The following IL1RAPL2 variants were observed in gnomAD, a reference collection of about 807,000 sequenced individuals.
The protein encoded by IL1RAPL2 is X-linked interleukin-1 receptor accessory protein-like 2.
In IL1RAPL2, 3 loss-of-function variants were observed where a neutral mutation model predicts 44.1. That is an observed-to-expected ratio of 0.07 (90% confidence interval 0.03 to 0.18). The LOEUF (loss-of-function observed/expected upper bound fraction) is 0.18. Among genes scored for constraint, IL1RAPL2 ranks in the 10% least tolerant of loss-of-function variants. The pLI is 1.00. For synonymous variants in IL1RAPL2, 181 were observed against 178.8 expected, an observed-to-expected ratio of 1.01 and a Z score of -0.10; for missense variants, 391 against 496.4, an observed-to-expected ratio of 0.79 and a Z score of 2.02.
intron 6 of IL1RAPL2, among the ~76,000 whole-genome samples, chrX:105,682,414 G>A (rs776963389): frequency 1.9e-4 from 21 of 111,517 alleles, no homozygotes; most frequent in Non-Finnish European, 3.4e-4. Context: ...TTGAAATCTA[G>A]TGGCCTAGAA....
At chrX:105,487,118 C>T (rs1388772098) in intron 6 of IL1RAPL2, among the ~76,000 whole-genome samples, 2 of 105,311 alleles carry the variant, frequency 1.9e-5, no homozygotes, top group Non-Finnish European at 3.9e-5. Context: ...AAAAATAGTA[C>T]TTGATAAGAT....
At chrX:105,752,868 C>A in intron 9 of IL1RAPL2, 1 of 314,961 alleles carries the variant, frequency 3.2e-6, no homozygotes, top group South Asian at 2.8e-5. Flanking sequence ...TGAGAGCTGT[C>A]TTCCTGCTCT....
At chrX:105,487,463 G>T (rs1209296309) in intron 6 of IL1RAPL2, among the ~76,000 whole-genome samples, 1 of 111,868 alleles carries the variant, frequency 8.9e-6, no homozygotes, top group Admixed American at 9.5e-5. Context: ...AACTTTTCGG[G>T]TTTTAGTTTG....
intron 2 of IL1RAPL2, among the ~76,000 whole-genome samples, chrX:104,900,285 TTTTG>T (rs1408044426): frequency 3.6e-5 from 4 of 111,916 alleles, no homozygotes; most frequent in African/African-American, 1.3e-4. Context: ...AAACATATTG[TTTTG>T]TTTATCACAT....
intron 2 of IL1RAPL2, among the ~76,000 whole-genome samples, chrX:104,725,158 G>T (rs1444149671): frequency 1.8e-5 from 2 of 111,368 alleles, no homozygotes; most frequent in East Asian, 5.7e-4. Flanking sequence ...TCTTGTGTTA[G>T]CTTGCTGGGA....
At chrX:104,903,142 A>G (rs1264967034) in intron 2 of IL1RAPL2, among the ~76,000 whole-genome samples, 5 of 111,929 alleles carry the variant, frequency 4.5e-5, no homozygotes, top group Admixed American at 9.5e-5. Flanking sequence ...TCCACTATGG[A>G]TTTGCTACTA....
At chrX:105,666,491 C>T (rs968392971) in intron 6 of IL1RAPL2, among the ~76,000 whole-genome samples, 4 of 111,797 alleles carry the variant, frequency 3.6e-5, no homozygotes, top group African/African-American at 1.3e-4. Context: ...GTACAGTATA[C>T]AGAGAAAGGA....
At chrX:104,647,197 C>T (rs1313935647) in intron 1 of IL1RAPL2, 5 of 328,471 alleles carry the variant, frequency 1.5e-5, no homozygotes, top group Middle Eastern at 6.5e-4. Flanking sequence ...GCAGGGTGGG[C>T]CCCCACTGGG....
chrX:104,891,127 C>G (rs1923423970), intron 2 of IL1RAPL2, among the ~76,000 whole-genome samples: 1 of 111,265 alleles, frequency 9.0e-6, no homozygotes, highest in Non-Finnish European at 1.9e-5. Flanking sequence ...GGTATTATTT[C>G]TGAGGGCTCT....
In IL1RAPL2 at chrX:105,557,553, A is replaced by G. The variant is rs1483604342; in HGVS notation, c.772+73166A>G. On this transcript the variant is annotated intron_variant, in intron 6 of 10. Transcript: ENST00000372582. The stretch of plus-strand genomic sequence containing the variant: ...GAGTACCATTTAATTTGGGCAACAA[A>G]TTATACTGTTCCTTTTCAGTCTTCA... Among the ~76,000 whole-genome samples the G allele has an allele frequency of 4.5e-5, 5 of 111,662 alleles. 1 individual carries two copies. The highest frequency in any genetic ancestry group is 1.6e-4 in the African/African-American group (5 of 30,775).
At chrX:105,343,788 A>G (rs1440173094) in intron 5 of IL1RAPL2, among the ~76,000 whole-genome samples, 2 of 112,388 alleles carry the variant, frequency 1.8e-5, no homozygotes, top group Admixed American at 9.4e-5. Context: ...TTAAAATTTA[A>G]CAGTGATTAT....
intron 4 of IL1RAPL2, among the ~76,000 whole-genome samples, chrX:105,238,393 T>C (rs1213826557): frequency 2.7e-5 from 3 of 112,101 alleles, no homozygotes; most frequent in East Asian, 2.8e-4. Flanking sequence ...ACTTTAGTCA[T>C]TGATGTCACT....
At chrX:104,739,951 G>A (rs1932075543) in intron 2 of IL1RAPL2, among the ~76,000 whole-genome samples, 1 of 111,335 alleles carries the variant, frequency 9.0e-6, no homozygotes, top group African/African-American at 3.3e-5. Context: ...ATGACTAATG[G>A]TGAAACACTG....
rs181798915 is a variant in IL1RAPL2, at chrX:105,688,157, G to A, written c.773-29210G>A. Among the ~76,000 whole-genome samples, 646 of 111,390 alleles carry A rather than the reference G, an allele frequency of 5.8e-3. 4 individuals are homozygous for A. Among genetic ancestry groups the A allele is most frequent in the Non-Finnish European group, 1.0e-2 (529 of 53,099 alleles). ...ACTAGAAGCATTCCCTTTGAAAACC[G>A]GCACAAGACAAGGATGCCCTCTCTC... On this transcript the variant is annotated intron_variant, in intron 6 of 10. Transcript: ENST00000372582.
chrX:105,751,045 A>C (rs759977078), intron 9 of IL1RAPL2, among the ~76,000 whole-genome samples: 1 of 111,564 alleles, frequency 9.0e-6, no homozygotes, highest in Admixed American at 9.5e-5. Context: ...AAGCAGGAGG[A>C]TTGTTTGAGC....
chrX:105,152,716 A>G (rs2033237671), intron 2 of IL1RAPL2, among the ~76,000 whole-genome samples: 1 of 112,356 alleles, frequency 8.9e-6, no homozygotes, highest in Non-Finnish European at 1.9e-5. Context: ...TGATTAGGCC[A>G]TGACAGCCCT....
At chrX:105,201,008 T>A (rs889726068) in intron 3 of IL1RAPL2, among the ~76,000 whole-genome samples, 2 of 111,053 alleles carry the variant, frequency 1.8e-5, no homozygotes, top group African/African-American at 3.3e-5. Flanking sequence ...GTGCAGAGAA[T>A]CAGTTAGAGG....
At chrX:105,248,916 C>T (rs1603031726) in intron 4 of IL1RAPL2, among the ~76,000 whole-genome samples, 1 of 110,867 alleles carries the variant, frequency 9.0e-6, no homozygotes, top group Admixed American at 9.6e-5. Context: ...TACTACAACC[C>T]CTATGGAGAA....
intron 2 of IL1RAPL2, among the ~76,000 whole-genome samples, chrX:105,141,381 T>C (rs1034171070): frequency 1.5e-4 from 17 of 110,660 alleles, no homozygotes; most frequent in African/African-American, 5.6e-4. Flanking sequence ...TAGCTTACAA[T>C]GCTGGGGTTG....
Sources: gnomAD v4.1 joint callset for allele counts (sites outside exome capture counted in the v4.1 genomes callset) on GRCh38, gnomAD v4.1.1 for gene constraint, MANE v1.5 for transcripts, NCBI Gene and HGNC (gene_info 2026-07-23, HGNC 2026-07-21) for gene names.